The following GPRC5C variants were observed in gnomAD, a reference collection of about 807,000 sequenced individuals.
GPRC5C encodes G protein-coupled receptor class C group 5 member C.
Under a neutral mutation model 31.4 loss-of-function variants are expected in GPRC5C, and 22 were observed. That is an observed-to-expected ratio of 0.70 (90% CI 0.50 to 1.00). The LOEUF (loss-of-function observed/expected upper bound fraction) is 1.00, where lower values mean the gene tolerates loss of function less well. Ranked by LOEUF, GPRC5C falls within the 50% of genes least tolerant of loss-of-function variation. GPRC5C has a pLI of 0.00. For synonymous variants in GPRC5C, 249 were observed against 257.5 expected, an observed-to-expected ratio of 0.97 and a Z score of 0.32; for missense variants, 557 against 597.2, an observed-to-expected ratio of 0.93 and a Z score of 0.70.
Position 74,447,262 on chromosome 17 carries a change from C to T in GPRC5C, c.*234C>T, listed in dbSNP as rs972245364. On this transcript the variant is annotated 3_prime_UTR_variant, in exon 4 of 4. Coordinates refer to ENST00000392627, the MANE Select transcript of GPRC5C (RefSeq NM_022036.4). ...CCCCAGCCTCCTGCCAGGATCACCT[C>T]GGCGGTCACACTCCAGCCAAATAGT... is the stretch of plus-strand genomic sequence containing the variant. 1.1e-5 allele frequency: 14 copies of T among 1,283,746 alleles called. No homozygotes were observed. The highest frequency in any genetic ancestry group is 1.3e-5 in the Non-Finnish European group (13 of 1,013,010). 79.5% of individuals were successfully genotyped at this position (1,283,746 alleles called of 1,614,324 possible).
intron 3 of GPRC5C, among the ~76,000 whole-genome samples, chr17:74,444,158 G>T (rs2055589346): frequency 1.3e-5 from 2 of 152,222 alleles, no homozygotes; most frequent in African/African-American, 4.8e-5. Flanking sequence ...TGTCACTGGG[G>T]CATTGCACAC....
At position 74,440,782 on chromosome 17, in the gene GPRC5C, A is replaced by G. The variant is rs1428872862; in HGVS notation, c.1006A>G (p.Met336Val). The part of the protein sequence containing the change: ...TILKEQKGQS[M>V]FVENKAFSMD... ...CCTGAAAGAGCAGAAGGGTCAGAGC[A>G]TGTTCGTGGAGAACAAGGCCTTTTC... Residue 336 changes from methionine (M) to valine (V), a missense_variant, in exon 2 of 4, where the codon ATG (methionine) becomes GTG (valine). Met to Val is a conservative substitution (Grantham distance 21, BLOSUM62 1). Coordinates refer to ENST00000392627, the MANE Select transcript of GPRC5C (RefSeq NM_022036.4). This position sits in a 1 kb window ranked among gnomAD's most constrained non-coding sequence, Gnocchi z 4.4. 2 of 1,542,358 alleles carry G rather than the reference A, an allele frequency of 1.3e-6. No homozygotes were observed. Among genetic ancestry groups the G allele is most frequent in the Non-Finnish European group, 1.8e-6 (2 of 1,138,286 alleles).
chr17:74,434,237 A>ACT (rs1431394015), intron 1 of GPRC5C, among the ~76,000 whole-genome samples: 1 of 152,030 alleles, frequency 6.6e-6, no homozygotes, highest in African/African-American at 2.4e-5. Context: ...GGTGGGGGAG[A>ACT]CTCAGGGCGG....
chr17:74,443,362 G>T (rs1321084527), intron 2 of GPRC5C: 1 of 329,764 alleles, frequency 3.0e-6, no homozygotes, highest in African/African-American at 2.2e-5. Flanking sequence ...ACATGAACAG[G>T]CTTAGGCCGA....
At chr17:74,444,742 G>A (rs1598433335) in intron 3 of GPRC5C, among the ~76,000 whole-genome samples, 4 of 152,326 alleles carry the variant, frequency 2.6e-5, no homozygotes, top group Admixed American at 2.6e-4. Flanking sequence ...CACCAGGAGT[G>A]GAGGCTGCGG....
At chr17:74,444,719 A>G (rs916026808) in intron 3 of GPRC5C, among the ~76,000 whole-genome samples, 1 of 152,094 alleles carries the variant, frequency 6.6e-6, no homozygotes, top group African/African-American at 2.4e-5. Context: ...TGGGCAGAGG[A>G]GAGCTTCCGG....
chr17:74,432,377 G>C (rs2055364820), intron 1 of GPRC5C: 2 of 1,326,680 alleles, frequency 1.5e-6, no homozygotes, highest in Non-Finnish European at 1.9e-6. Flanking sequence ...CAGGCCCTGC[G>C]TCCCGGCCCG....
At chr17:74,442,801 G>C (rs2055561471) in intron 2 of GPRC5C, among the ~76,000 whole-genome samples, 2 of 152,194 alleles carry the variant, frequency 1.3e-5, no homozygotes, top group Non-Finnish European at 2.9e-5. Flanking sequence ...CTCACCCCTG[G>C]GTGGCCCCTG....
In GPRC5C at chr17:74,432,188, C is replaced by T. The variant is rs767274142; in HGVS notation, c.-33+47C>T. 10 of 1,581,310 alleles carry T rather than the reference C, an allele frequency of 6.3e-6. No homozygotes were observed. The African/African-American group carries it at 6.8e-5, about 11-fold the overall frequency. On this transcript the variant is annotated intron_variant, in intron 1 of 3. Coordinates refer to ENST00000392627, the MANE Select transcript of GPRC5C (RefSeq NM_022036.4). ...CGGGCAGGCTTTGTTCCTGTGTAAA[C>T]GGAGCGCACGTACCTGGAGCGCGGC...
Position 74,440,144 on chromosome 17 carries a change from T to C in GPRC5C, c.368T>C (p.Phe123Ser). ...ACCTGTGCCTCTCGGCGCTTCCTCTTTGGGGTTCTGTTCGCCATCTGCTTC... is the reference window on the plus strand; with the variant it reads ...ACCTGTGCCTCTCGGCGCTTCCTCTCTGGGGTTCTGTTCGCCATCTGCTTC... ...FSTCASRRFL[F>S]GVLFAICFSC... The change falls in exon 2 of 4, where the codon TTT (phenylalanine) becomes TCT (serine). Residue 123 changes from phenylalanine to serine, a missense_variant. Coordinates refer to ENST00000392627, the MANE Select transcript of GPRC5C (RefSeq NM_022036.4). This position sits in a 1 kb window ranked among gnomAD's most constrained non-coding sequence, Gnocchi z 4.4. The C allele has an allele frequency of 6.2e-7, 1 of 1,614,130 alleles. No individual in the cohort carries two copies. The highest frequency in any genetic ancestry group is 8.5e-7 in the Non-Finnish European group (1 of 1,180,014).
At position 74,440,223 on chromosome 17, in the gene GPRC5C, C is replaced by G. The variant is rs371327877; in HGVS notation, c.447C>G (p.His149Gln). The change falls in exon 2 of 4, where the codon CAC becomes CAG. Residue 149 changes from histidine to glutamine, a missense_variant. Physicochemically the swap from His to Gln is conservative, Grantham distance 24. Coordinates refer to ENST00000392627, the MANE Select transcript of GPRC5C (RefSeq NM_022036.4). This position sits in a 1 kb window ranked among gnomAD's most constrained non-coding sequence, Gnocchi z 4.4. ...TCAACTTCCTGGCCCGGAAGAACCA[C>G]GGGCCCCGGGGCTGGGTGATCTTCA... Reference protein sequence around the residue: ...FALNFLARKNHGPRGWVIFTV... With the variant: ...FALNFLARKNQGPRGWVIFTV... 6.2e-7 allele frequency: 1 copy of G among 1,614,188 alleles called. No individual in the cohort carries two copies. The highest frequency in any genetic ancestry group is 8.5e-7 in the Non-Finnish European group (1 of 1,180,010).
chr17:74,439,420 T>A (rs1209229438), intron 1 of GPRC5C, among the ~76,000 whole-genome samples: 1 of 152,114 alleles, frequency 6.6e-6, no homozygotes, highest in Non-Finnish European at 1.5e-5. Flanking sequence ...AGCCCCTTCA[T>A]CCTCCACCGT....
At chr17:74,438,535 A>G (rs2055477685) in intron 1 of GPRC5C, among the ~76,000 whole-genome samples, 1 of 152,110 alleles carries the variant, frequency 6.6e-6, no homozygotes, top group African/African-American at 2.4e-5. Flanking sequence ...TGCTGGGATT[A>G]CAGGCGTGAG....
At position 74,440,857 on chromosome 17, in the gene GPRC5C, C is replaced by T; in HGVS notation, c.1051+30C>T. The T allele has an allele frequency of 1.0e-5, 15 of 1,440,076 alleles. No homozygotes were observed. The highest frequency in any genetic ancestry group is 1.3e-5 in the Non-Finnish European group (14 of 1,090,200). 89.2% of individuals were successfully genotyped at this position (1,440,076 alleles called of 1,614,324 possible). A position where few individuals can be genotyped will look rare whatever the true frequency, so the allele number is the denominator to read the frequency against. ...GTCTCTGTGGATGCCCCCAGTGGCC[C>T]CTTTCTCCATCCCATGTCTTTTACT... On this transcript the variant is annotated intron_variant, in intron 2 of 3. Transcript: ENST00000392627. The surrounding 1 kb of genome is among the most constrained non-coding windows in gnomAD (Gnocchi z 4.4).
chr17:74,449,631 C>T, downstream of GPRC5C: 1 of 264,580 alleles, frequency 3.8e-6, no homozygotes, highest in Non-Finnish European at 7.7e-6. Context: ...GGCCCCCAGG[C>T]TGCCTCCAAC....
intron 1 of GPRC5C, among the ~76,000 whole-genome samples, chr17:74,436,836 A>G (rs1441805378): frequency 6.6e-6 from 1 of 152,208 alleles, no homozygotes; most frequent in African/African-American, 2.4e-5. Context: ...GGAGCCCAAG[A>G]TGAAGTTGAA....
chr17:74,433,791 C>A lies in GPRC5C; in HGVS notation c.-33+1650C>A. ...TGAGTTTGGTTGGCCCTGTGACGCG[C>A]TGGAGCTCTCTTTCCAGTGCGGTAT... On this transcript the variant is annotated intron_variant, in intron 1 of 3. Coordinates refer to ENST00000392627, the MANE Select transcript of GPRC5C (RefSeq NM_022036.4). The A allele has an allele frequency of 4.0e-6, 6 of 1,494,742 alleles. No individual in the cohort carries two copies. The South Asian group carries it at 6.8e-5, about 17-fold the overall frequency. 92.6% of individuals were successfully genotyped at this position (1,494,742 alleles called of 1,614,324 possible).
chr17:74,438,213 A>ATATG (rs1431366169), intron 1 of GPRC5C, among the ~76,000 whole-genome samples: 2 of 27,972 alleles, frequency 7.2e-5, no homozygotes, highest in Non-Finnish European at 1.6e-4. Flanking sequence ...ATTCATATAT[A>ATATG]TATATATATA....
At chr17:74,438,821 T>C (rs1002096828) in intron 1 of GPRC5C, among the ~76,000 whole-genome samples, 23 of 152,378 alleles carry the variant, frequency 1.5e-4, no homozygotes, top group Admixed American at 4.6e-4. Flanking sequence ...CCACTTCACG[T>C]GGGAAAATCC....
Sources: allele counts gnomAD v4.1 joint callset (sites outside exome capture counted in the v4.1 genomes callset), GRCh38; gene constraint gnomAD v4.1.1; non-coding constraint Gnocchi (gnomAD v3.1); transcripts MANE v1.5; gene names NCBI Gene and HGNC (gene_info 2026-07-23, HGNC 2026-07-21).